The following DLG2 variants were observed in gnomAD, a reference collection of about 807,000 sequenced individuals.
The protein encoded by DLG2 is disks large homolog 2.
DLG2 carries 45 observed loss-of-function variants against 132.5 expected under a neutral mutation model. That is an observed-to-expected ratio of 0.34 (90% confidence interval 0.27 to 0.44). The LOEUF (loss-of-function observed/expected upper bound fraction) is 0.44. DLG2 is among the 20% of genes least tolerant of loss of function. The probability of loss-of-function intolerance (pLI) is 1.00; values close to 1 mark genes in which losing one functional copy is unlikely to be tolerated. For missense variants in DLG2, 1,045 were observed against 1,196.9 expected (o/e 0.87, Z 1.87); for synonymous variants, 424 against 419.6 (o/e 1.01, Z -0.13).
intron 8 of DLG2, among the ~76,000 whole-genome samples, chr11:84,248,712 A>G (rs1006310144): frequency 3.9e-5 from 6 of 152,028 alleles, no homozygotes; most frequent in African/African-American, 1.4e-4. Context: ...AAAAAACAAA[A>G]AAAAATTAGC....
intron 21 of DLG2, among the ~76,000 whole-genome samples, chr11:83,498,799 T>C (rs2138876787): frequency 6.7e-6 from 1 of 149,950 alleles, no homozygotes; most frequent in South Asian, 2.1e-4. Flanking sequence ...CAAAGATTGA[T>C]GAAATTGATT....
At chr11:85,558,683 T>C (rs1031001653) in intron 3 of DLG2, among the ~76,000 whole-genome samples, 4 of 151,768 alleles carry the variant, frequency 2.6e-5, no homozygotes, top group Admixed American at 6.6e-5. Flanking sequence ...AGTAAATTAA[T>C]ACAGGAGCAG....
chr11:85,127,331 G>T (rs1489356753), intron 5 of DLG2, among the ~76,000 whole-genome samples: 1 of 140,186 alleles, frequency 7.1e-6, no homozygotes, highest in Non-Finnish European at 1.5e-5. Flanking sequence ...ACCCCATTGT[G>T]GCTTTCATTC....
intron 15 of DLG2, among the ~76,000 whole-genome samples, chr11:83,928,719 C>G (rs2079507056): frequency 6.6e-6 from 1 of 152,080 alleles, no homozygotes; most frequent in Admixed American, 6.6e-5. Context: ...CTTATCAAGT[C>G]TCGATTTTCT....
chr11:83,934,562 T>C (rs1429664583), intron 14 of DLG2, among the ~76,000 whole-genome samples: 2 of 152,162 alleles, frequency 1.3e-5, no homozygotes, highest in Non-Finnish European at 2.9e-5. Context: ...TTGTAAATAG[T>C]CTTCATCTGT....
intron 15 of DLG2, among the ~76,000 whole-genome samples, chr11:83,900,228 A>C (rs1430936383): frequency 1.3e-5 from 2 of 152,200 alleles, no homozygotes; most frequent in Non-Finnish European, 2.9e-5. Flanking sequence ...AGCAGAGCAT[A>C]AAAGTTTGGA....
At position 84,288,573 on chromosome 11, in the gene DLG2, A is replaced by G. The variant is rs139251031; in HGVS notation, c.520-37282T>C. Among the ~76,000 whole-genome samples the G allele has an allele frequency of 2.9e-4, 44 of 152,230 alleles. No homozygotes were observed. In the East Asian group the frequency reaches 7.7e-3, roughly 27 times the overall value. ...CTAAGATAGAATAAGATGTGTAACT[A>G]AATCTCAGAGTCATTAAAAGCATTG... On this transcript the variant is annotated intron_variant, in intron 7 of 27. Transcript: ENST00000376104.
At chr11:84,898,913 T>C (rs1283722844) in intron 6 of DLG2, among the ~76,000 whole-genome samples, 1 of 152,060 alleles carries the variant, frequency 6.6e-6, no homozygotes, top group Non-Finnish European at 1.5e-5. Context: ...TTTATAACAA[T>C]TATTCATTCA....
intron 21 of DLG2, among the ~76,000 whole-genome samples, chr11:83,526,793 C>T (rs1427315252): frequency 6.6e-6 from 1 of 152,084 alleles, no homozygotes; most frequent in African/African-American, 2.4e-5. Context: ...TATCTTACTC[C>T]TAACCCCAGT....
chr11:85,315,035 G>C (rs1298179578), intron 3 of DLG2, among the ~76,000 whole-genome samples: 1 of 151,998 alleles, frequency 6.6e-6, no homozygotes, highest in African/African-American at 2.4e-5. Context: ...AGAATTATGA[G>C]CTATCTAGGC....
In DLG2 at chr11:83,658,481, GTTATTC is replaced by G. The variant is rs1362556058; in HGVS notation, c.1826-25162_1826-25157del. Among the ~76,000 whole-genome samples the G allele has an allele frequency of 9.2e-5, 14 of 152,300 alleles. No individual in the cohort carries two copies. The East Asian group carries it at 2.5e-3, about 27-fold the overall frequency. On this transcript the variant is annotated intron_variant, in intron 18 of 27. Coordinates refer to ENST00000376104, the MANE Select transcript of DLG2 (RefSeq NM_001142699.3). Reference sequence around the variant, plus strand: ...CACAGAATGACAATGATAATAAACAGTTATTCTTAGTAGCTAAAGTATATTTTGCAA... The same window carrying G: ...CACAGAATGACAATGATAATAAACAGTTAGTAGCTAAAGTATATTTTGCAA...
At chr11:84,821,710 T>C (rs2077722748) in intron 6 of DLG2, among the ~76,000 whole-genome samples, 1 of 151,400 alleles carries the variant, frequency 6.6e-6, no homozygotes, top group South Asian at 2.1e-4. Context: ...TGTTGTTGAG[T>C]TCCTTTCCAA....
intron 4 of DLG2, among the ~76,000 whole-genome samples, chr11:85,249,463 T>C (rs2076293661): frequency 6.6e-6 from 1 of 151,856 alleles, no homozygotes; most frequent in Non-Finnish European, 1.5e-5. Flanking sequence ...AAAATAACTG[T>C]CTTATAAGAT....
At chr11:83,839,567 T>C (rs1279266139) in intron 16 of DLG2, among the ~76,000 whole-genome samples, 1 of 152,170 alleles carries the variant, frequency 6.6e-6, no homozygotes, top group Non-Finnish European at 1.5e-5. Flanking sequence ...GCTAGTCTCT[T>C]TGCTGTAAGT....
chr11:84,846,513 T>A (rs2081495142), intron 6 of DLG2, among the ~76,000 whole-genome samples: 1 of 152,140 alleles, frequency 6.6e-6, no homozygotes, highest in South Asian at 2.1e-4. Context: ...TGCTCTGTAA[T>A]AAACTACAAC....
intron 10 of DLG2, among the ~76,000 whole-genome samples, chr11:84,091,246 C>T (rs1051397541): frequency 5.9e-5 from 9 of 152,174 alleles, no homozygotes; most frequent in Non-Finnish European, 8.8e-5. Context: ...TCATCTAAAC[C>T]GCCATGTGCT....
At chr11:83,522,813 CCCTT>C (rs1325395488) in intron 21 of DLG2, among the ~76,000 whole-genome samples, 2 of 143,600 alleles carry the variant, frequency 1.4e-5, no homozygotes, top group African/African-American at 2.5e-5. Context: ...AGCCCCCCCC[CCCTT>C]TTTTTTTTAA....
At position 84,310,722 on chromosome 11, in the gene DLG2, C is replaced by G. The variant is rs149133525; in HGVS notation, c.520-59431G>C. Reference sequence around the variant, plus strand: ...AGTCTTATTCTTCCTTGGTAAGGGGCTGCCTTTCTAAGAGGAGTAAGTCAA... The same window carrying G: ...AGTCTTATTCTTCCTTGGTAAGGGGGTGCCTTTCTAAGAGGAGTAAGTCAA... On this transcript the variant is annotated intron_variant, in intron 7 of 27. Transcript: ENST00000376104. 9.0e-4 allele frequency among the ~76,000 whole-genome samples: 137 copies of G among 152,320 alleles called. 5 individuals carry two copies. In the East Asian group the frequency reaches 0.017, roughly 19 times the overall value.
At position 84,840,894 on chromosome 11, in the gene DLG2, C is replaced by T. The variant is rs190524561; in HGVS notation, c.357+270767G>A. Among the ~76,000 whole-genome samples the T allele has an allele frequency of 6.6e-5, 10 of 151,036 alleles. No homozygotes were observed. The East Asian group carries it at 9.8e-4, about 15-fold the overall frequency. ...TTAGCAGAATACCTAGTGTAAATGACGAGTTAATGGGTACAGCACACCAAC... is the reference window on the plus strand; with the variant it reads ...TTAGCAGAATACCTAGTGTAAATGATGAGTTAATGGGTACAGCACACCAAC... On this transcript the variant is annotated intron_variant, in intron 6 of 27. Coordinates refer to ENST00000376104, the MANE Select transcript of DLG2 (RefSeq NM_001142699.3).
Sources: gnomAD v4.1 joint callset for allele counts (sites outside exome capture counted in the v4.1 genomes callset) on GRCh38, gnomAD v4.1.1 for gene constraint, MANE v1.5 for transcripts, NCBI Gene and HGNC (gene_info 2026-07-23, HGNC 2026-07-21) for gene names.